The following AKAP17A variants were observed in gnomAD, a reference collection of about 807,000 sequenced individuals.
The protein encoded by AKAP17A is A-kinase anchor protein 17A.
Under a neutral mutation model 52.2 loss-of-function variants are expected in AKAP17A, and 15 were observed. The ratio of observed to expected loss-of-function variants is 0.29; its 90% CI spans 0.19 to 0.44. The LOEUF (loss-of-function observed/expected upper bound fraction) is 0.44, where lower values mean the gene tolerates loss of function less well. Ranked by LOEUF, AKAP17A falls within the 20% of genes least tolerant of loss-of-function variation. AKAP17A has a pLI of 1.00. For missense variants in AKAP17A, 1,060 were observed against 1,007.0 expected (o/e 1.05, Z -0.71); for synonymous variants, 514 against 424.7 (o/e 1.21, Z -2.58).
At chrX:1,599,647 T>G (rs377575986) in intron 4 of AKAP17A, 1 of 766,210 alleles carries the variant, frequency 1.3e-6, no homozygotes. Context: ...GGTTTCCTTT[T>G]GCAAAGCTGG....
At chrX:1,600,387 C>G (rs1279572178) in intron 4 of AKAP17A, 4 of 619,284 alleles carry the variant, frequency 6.5e-6, no homozygotes, top group Non-Finnish European at 1.1e-5. Context: ...CCAAGAGGCC[C>G]GCCCTGGGGC....
chrX:1,596,280 A>G (rs1932974964), intron 3 of AKAP17A, among the ~76,000 whole-genome samples: 1 of 151,940 alleles, frequency 6.6e-6, no homozygotes, highest in Non-Finnish European at 1.5e-5. Flanking sequence ...CCGGTTTCAC[A>G]TAAGAGGCCT....
chrX:1,592,141 G>C (rs1286809696), intron 1 of AKAP17A, among the ~76,000 whole-genome samples: 15 of 151,836 alleles, frequency 9.9e-5, no homozygotes, highest in Non-Finnish European at 1.5e-4. Context: ...CGCTGCGGTC[G>C]CTCCTAGGTC....
At position 1,594,021 on chromosome X, in the gene AKAP17A, G is replaced by T; in HGVS notation, c.559G>T (p.Val187Leu). The change falls in exon 2 of 5, where the codon GTG (valine) becomes TTG (leucine). Residue 187 changes from valine (V) to leucine (L), a missense_variant. Transcript: ENST00000313871. ...TGAGAAGTTCGGGGAGATCCGGAAT[G>T]TGGACATCCCCATGCTGGACCCCTA... ...VFEKFGEIRNVDIPMLDPYRE... is the reference protein window; with the variant it reads ...VFEKFGEIRNLDIPMLDPYRE... 6.2e-7 allele frequency: 1 copy of T among 1,608,490 alleles called. No individual in the cohort carries two copies. Among genetic ancestry groups the T allele is most frequent in the South Asian group, 1.1e-5 (1 of 90,394 alleles).
intron 4 of AKAP17A, chrX:1,599,934 G>A: frequency 4.0e-6 from 2 of 502,434 alleles, no homozygotes; most frequent in South Asian, 2.0e-5. Context: ...ACCAGCGCCG[G>A]TACTGACGAC....
chrX:1,598,670 T>G (rs1338567681), intron 3 of AKAP17A, among the ~76,000 whole-genome samples: 2 of 152,106 alleles, frequency 1.3e-5, no homozygotes, highest in African/African-American at 2.4e-5. Flanking sequence ...ACAGGAAAAG[T>G]GCAAGGAGCT....
rs768222327 is a variant in AKAP17A, at chrX:1,601,815, G to A, written c.*221G>A. On this transcript the variant is annotated 3_prime_UTR_variant, in exon 5 of 5. Coordinates refer to ENST00000313871, the MANE Select transcript of AKAP17A (RefSeq NM_005088.3). ...TACTTGGCACTTCAGTTTCAAACAC[G>A]TAGTCCTTTAAAACTTGATCCGATA... The A allele has an allele frequency of 6.6e-4, 279 of 422,228 alleles. 1 individual carries two copies. The highest frequency in any genetic ancestry group is 3.0e-3 in the East Asian group (86 of 28,384). 26.2% of individuals were successfully genotyped at this position (422,228 alleles called of 1,614,324 possible).
At chrX:1,599,660 C>G in intron 4 of AKAP17A, 1 of 710,628 alleles carries the variant, frequency 1.4e-6, no homozygotes, top group Non-Finnish European at 2.4e-6. Flanking sequence ...AAAGCTGGTG[C>G]ATTCAGGTTC....
Position 1,599,108 on chromosome X carries a change from G to A in AKAP17A, c.912-84G>A, listed in dbSNP as rs188287160. Reference sequence around the variant, plus strand: ...TAATCGTTGGACCGTGGCCTGTTCCGCCGTGTTTGGAAAGCCGCTTGTATG... The same window carrying A: ...TAATCGTTGGACCGTGGCCTGTTCCACCGTGTTTGGAAAGCCGCTTGTATG... On this transcript the variant is annotated intron_variant, in intron 3 of 4. Transcript: ENST00000313871. 1.8e-4 allele frequency: 278 copies of A among 1,554,162 alleles called. 1 individual carries two copies. The highest frequency in any genetic ancestry group is 1.3e-3 in the East Asian group (58 of 44,414).
chrX:1,595,515 G>T lies in AKAP17A; in HGVS notation c.894G>T (p.Arg298Ser), dbSNP rs1265624479. 3 of 1,613,782 alleles carry T rather than the reference G, an allele frequency of 1.9e-6. No individual in the cohort carries two copies. The highest frequency in any genetic ancestry group is 2.5e-6 in the Non-Finnish European group (3 of 1,179,872). Residue 298 changes from arginine to serine, a missense_variant, in exon 3 of 5, where the codon AGG (arginine) becomes AGT (serine). Transcript: ENST00000313871. ...GCAGAGAGAAGGAAGCGGAGGAGAG[G>T]CAGCGAGCGGAGGAAAGGTACCTTC... ...QKRREKEAEE[R>S]QRAEERKQKE...
At chrX:1,599,642 C>T (rs1478633270) in intron 4 of AKAP17A, 4 of 786,508 alleles carry the variant, frequency 5.1e-6, no homozygotes, top group Admixed American at 2.3e-5. Flanking sequence ...GTGACGGTTT[C>T]CTTTTGCAAA....
chrX:1,599,557 C>G, intron 4 of AKAP17A, 125 bp downstream of exon 4: 1 of 1,337,714 alleles, frequency 7.5e-7, no homozygotes, highest in South Asian at 1.3e-5. Context: ...ACGAAACCAG[C>G]TTTAATGCCG....
chrX:1,595,300 C>T (rs60470457), intron 2 of AKAP17A, 84 bp from the exon 3 acceptor site: 50,533 of 1,581,358 alleles, frequency 0.032, 923 homozygotes, highest in Middle Eastern at 0.036. Flanking sequence ...GGCCACTCGG[C>T]CCTACGGCCC....
intron 3 of AKAP17A, 83 bp from the exon 4 acceptor site, chrX:1,599,109 C>T: frequency 1.3e-6 from 2 of 1,556,518 alleles, no homozygotes; most frequent in Admixed American, 1.9e-5. Flanking sequence ...GCCTGTTCCG[C>T]CGTGTTTGGA....
chrX:1,600,719 G>C lies in AKAP17A; in HGVS notation c.1213G>C (p.Glu405Gln). Residue 405 changes from glutamate (E) to glutamine (Q), a missense_variant, in exon 5 of 5, where the codon GAG becomes CAG. Physicochemically the swap from Glu to Gln is conservative, Grantham distance 29 (BLOSUM62 2). This residue lies in a region of AKAP17A where 793 missense variants were observed against 629.9 expected (regional missense o/e 1.26). Coordinates refer to ENST00000313871, the MANE Select transcript of AKAP17A (RefSeq NM_005088.3). ...GAAGCTGAGGCTCCAGCAGCAGGAG[G>C]AGCGGCGGCGGCTGCAGGAGGCCGA... ...EEKLRLQQQE[E>Q]RRRLQEAELR... The C allele has an allele frequency of 6.5e-7, 1 of 1,547,026 alleles. No homozygotes were observed.
At chrX:1,595,313 G>A in intron 2 of AKAP17A, 71 bp from the exon 3 acceptor site, 1 of 1,601,404 alleles carries the variant, frequency 6.2e-7, no homozygotes, top group South Asian at 1.1e-5. Flanking sequence ...TACGGCCCAG[G>A]AGAGGGCGCC....
intron 3 of AKAP17A, among the ~76,000 whole-genome samples, chrX:1,597,991 G>C (rs1407582293): frequency 6.6e-6 from 1 of 152,184 alleles, no homozygotes; most frequent in Non-Finnish European, 1.5e-5. Context: ...AGCATGAGGG[G>C]AGGCCCAGGG....
chrX:1,598,113 C>T (rs1305144244), intron 3 of AKAP17A, among the ~76,000 whole-genome samples: 2 of 152,182 alleles, frequency 1.3e-5, no homozygotes, highest in African/African-American at 4.8e-5. Flanking sequence ...TGCCCAGCCT[C>T]GAGGCGTCGC....
In AKAP17A at chrX:1,593,442, A is replaced by G. The variant is rs1932874796; in HGVS notation, c.-19-2A>G. 2 of 1,601,240 alleles carry G rather than the reference A, an allele frequency of 1.2e-6. No individual in the cohort carries two copies. The highest frequency in any genetic ancestry group is 8.5e-7 in the Non-Finnish European group (1 of 1,171,510). On this transcript the variant is annotated splice_acceptor_variant, in intron 1 of 4. Transcript: ENST00000313871. LOFTEE classifies it low-confidence loss of function (5UTR_SPLICE). ...GCTGACTGTCTGCGTCTTATGTTTC[A>G]GGCCCAAGGTCCCGGAGGCTATGGC...
Sources: allele counts gnomAD v4.1 joint callset (sites outside exome capture counted in the v4.1 genomes callset), GRCh38; gene constraint gnomAD v4.1.1; regional missense constraint gnomAD v4.1.1; transcripts MANE v1.5; gene names NCBI Gene and HGNC (gene_info 2026-07-23, HGNC 2026-07-21).